Variants in MRC2 observed in about 807,000 individuals in gnomAD.
The protein encoded by MRC2 is mannose receptor C-type 2.
A neutral mutation model predicts 206.2 loss-of-function variants in MRC2; 84 were observed. The observed-to-expected ratio is 0.41, with a 90% confidence interval of 0.34 to 0.49. The LOEUF is 0.49. Ranked by LOEUF, MRC2 falls within the 20% of genes least tolerant of loss-of-function variation. The pLI is 0.31. For synonymous variants in MRC2, 798 were observed against 800.0 expected, an observed-to-expected ratio of 1.00 and a Z score of 0.04; for missense variants, 1,676 against 2,001.5, an observed-to-expected ratio of 0.84 and a Z score of 3.10.
chr17:62,692,959 T>C lies in MRC2; in HGVS notation c.*508T>C, dbSNP rs559337925. ...TTCCTTCTGAGCCGGGCCCTGGGGATTGGGGAGCCCTCTTGTTCCTGATGA... is the reference window on the plus strand; with the variant it reads ...TTCCTTCTGAGCCGGGCCCTGGGGACTGGGGAGCCCTCTTGTTCCTGATGA... On this transcript the variant is annotated 3_prime_UTR_variant, in exon 30 of 30. Transcript: ENST00000303375. The surrounding 1 kb of genome is among the most constrained non-coding windows in gnomAD (Gnocchi z 4.2). 2.3e-4 allele frequency: 36 copies of C among 159,858 alleles called. No individual in the cohort carries two copies. The East Asian group carries it at 5.9e-3, about 26-fold the overall frequency. The allele number at this position is 159,858 out of a possible 1,614,324, so 9.9% of individuals were successfully genotyped here. A position where few individuals can be genotyped will look rare whatever the true frequency, so the allele number is the denominator to read the frequency against.
chr17:62,640,433 G>C (rs114839987), intron 1 of MRC2, among the ~76,000 whole-genome samples: 2,199 of 152,216 alleles, frequency 0.014, 48 homozygotes, highest in African/African-American at 0.05. Flanking sequence ...CTTTCCTGAG[G>C]CTTGCGTTTT....
intron 1 of MRC2, among the ~76,000 whole-genome samples, chr17:62,642,600 C>G (rs1169013811): frequency 6.6e-6 from 1 of 152,142 alleles, no homozygotes; most frequent in African/African-American, 2.4e-5. Flanking sequence ...GTGCCTGACA[C>G]CATGCCCGGC....
At position 62,678,731 on chromosome 17, in the gene MRC2, G is replaced by A. The variant is rs2088924966; in HGVS notation, c.2195+85G>A. 9.0e-6 allele frequency: 14 copies of A among 1,558,766 alleles called. No homozygotes were observed. The South Asian group carries it at 1.7e-4, about 19-fold the overall frequency. ...GGCCGACAGACCCTTGGTTTTGTTG[G>A]GCGAGCAGGGGGATGGCAGAATGTG... On this transcript the variant is annotated intron_variant, in intron 13 of 29. Transcript: ENST00000303375.
intron 1 of MRC2, among the ~76,000 whole-genome samples, chr17:62,663,527 C>T (rs2088705894): frequency 6.6e-6 from 1 of 152,094 alleles, no homozygotes; most frequent in Non-Finnish European, 1.5e-5. Flanking sequence ...TGCTTTCTGT[C>T]TCTATGCATT....
chr17:62,637,807 C>T (rs1019729576), intron 1 of MRC2, among the ~76,000 whole-genome samples: 4 of 152,222 alleles, frequency 2.6e-5, no homozygotes, highest in African/African-American at 4.8e-5. Flanking sequence ...CCCTCAAACA[C>T]CTCCAGAGCA....
intron 1 of MRC2, among the ~76,000 whole-genome samples, chr17:62,638,602 G>T (rs763093054): frequency 8.6e-5 from 13 of 152,040 alleles, no homozygotes; most frequent in Non-Finnish European, 1.6e-4. Flanking sequence ...GCCAGGTGTG[G>T]CGACGTGTGC....
At chr17:62,665,020 T>A (rs2088732764) in intron 2 of MRC2, 71 bp downstream of exon 2, 1 of 1,494,282 alleles carries the variant, frequency 6.7e-7, no homozygotes, top group South Asian at 1.3e-5. Flanking sequence ...GAGGGACAGA[T>A]TCCCAGTGAC....
At chr17:62,658,137 A>G (rs1366398946) in intron 1 of MRC2, among the ~76,000 whole-genome samples, 1 of 152,158 alleles carries the variant, frequency 6.6e-6, no homozygotes, top group Non-Finnish European at 1.5e-5. Context: ...TCCACATTGC[A>G]GTCTTCAGAT....
At chr17:62,643,294 C>T (rs2088429367) in intron 1 of MRC2, among the ~76,000 whole-genome samples, 1 of 143,984 alleles carries the variant, frequency 6.9e-6, no homozygotes, top group South Asian at 2.2e-4. Context: ...CACCACTGCA[C>T]TCCAGCCTGG....
In MRC2 at chr17:62,672,639, G is replaced by A. The variant is rs2088840691; in HGVS notation, c.1461+487G>A. 6.6e-6 allele frequency among the ~76,000 whole-genome samples: 1 copy of A among 152,152 alleles called. No individual in the cohort carries two copies. Among genetic ancestry groups the A allele is most frequent in the African/African-American group, 2.4e-5 (1 of 41,434 alleles). On this transcript the variant is annotated intron_variant, in intron 8 of 29. Transcript: ENST00000303375. This position sits in a 1 kb window ranked among gnomAD's most constrained non-coding sequence, Gnocchi z 4.5. ...AATTTGCCATGGTTTGGGCTTAGATGTGGTGTAAGTGAAGGAATTGATGGA... is the reference window on the plus strand; with the variant it reads ...AATTTGCCATGGTTTGGGCTTAGATATGGTGTAAGTGAAGGAATTGATGGA...
intron 20 of MRC2, 88 bp from the exon 21 acceptor site, chr17:62,688,201 C>A: frequency 1.8e-6 from 2 of 1,133,724 alleles, no homozygotes; most frequent in Non-Finnish European, 2.6e-6. Context: ...CCCCCCAGGA[C>A]CTGCTGCTGA....
At chr17:62,665,017 A>G in intron 2 of MRC2, 68 bp downstream of exon 2, 1 of 1,499,614 alleles carries the variant, frequency 6.7e-7, no homozygotes, top group Non-Finnish European at 8.9e-7. Flanking sequence ...CATGAGGGAC[A>G]GATTCCCAGT....
At chr17:62,636,892 C>T (rs533771336) in intron 1 of MRC2, among the ~76,000 whole-genome samples, 7 of 150,738 alleles carry the variant, frequency 4.6e-5, no homozygotes, top group Non-Finnish European at 7.4e-5. Context: ...CAGGCACAAA[C>T]CACTGCACCT....
At position 62,689,881 on chromosome 17, in the gene MRC2, C is replaced by G; in HGVS notation, c.3574-13C>G. ...TATTCCCTTCCTCCCACCCCATGGC[C>G]CCCCATGCCCAGGGCTCTCGGCGGT... On this transcript the variant is annotated splice_polypyrimidine_tract_variant and intron_variant, in intron 24 of 29. Coordinates refer to ENST00000303375, the MANE Select transcript of MRC2 (RefSeq NM_006039.5). The G allele has an allele frequency of 6.3e-7, 1 of 1,580,558 alleles. No homozygotes were observed. The highest frequency in any genetic ancestry group is 1.1e-5 in the South Asian group (1 of 87,244).
At chr17:62,679,192 G>C (rs2088930588) in intron 13 of MRC2, among the ~76,000 whole-genome samples, 1 of 152,188 alleles carries the variant, frequency 6.6e-6, no homozygotes, top group Admixed American at 6.5e-5. Context: ...TGGGCTTCCT[G>C]ATAGCTTAAT....
intron 20 of MRC2, 104 bp from the exon 21 acceptor site, chr17:62,688,185 C>T: frequency 1.0e-6 from 1 of 962,012 alleles, no homozygotes; most frequent in Non-Finnish European, 1.6e-6. Flanking sequence ...TCCCGGCCCT[C>T]AAAGGCCCCC....
In MRC2 at chr17:62,675,921, GTGCCCTGACTAGC is replaced by G; in HGVS notation, c.1685+17_1685+29del. Reference sequence around the variant, plus strand: ...TCACCAACAGGTACAGCAGGGGCGGGTGCCCTGACTAGCCCTTGCCCATGTCTGGGCCTATTGT... The same window carrying G: ...TCACCAACAGGTACAGCAGGGGCGGGCCTTGCCCATGTCTGGGCCTATTGT... On this transcript the variant is annotated intron_variant, in intron 10 of 29. Transcript: ENST00000303375. The surrounding 1 kb of genome is among the most constrained non-coding windows in gnomAD (Gnocchi z 4.1). 1 of 1,607,936 alleles carries G rather than the reference GTGCCCTGACTAGC, an allele frequency of 6.2e-7. No individual in the cohort carries two copies. Among genetic ancestry groups the G allele is most frequent in the Non-Finnish European group, 8.5e-7 (1 of 1,174,584 alleles).
At position 62,671,671 on chromosome 17, in the gene MRC2, G is replaced by A; in HGVS notation, c.1140G>A (p.Val380=). ...CAGACAGGTGGGCCAATGTGAAGGT[G>A]GAGTGCGAGCCGAGCTGGCAGCCCT... The part of the protein sequence containing the change: ...TPPDRWANVK[V]ECEPSWQPFQ... Residue 380 remains valine (V), a synonymous_variant, in exon 7 of 30, where the codon GTG becomes GTA. Transcript: ENST00000303375. The surrounding 1 kb of genome is among the most constrained non-coding windows in gnomAD (Gnocchi z 4.5). 1 of 1,596,464 alleles carries A rather than the reference G, an allele frequency of 6.3e-7. No homozygotes were observed. Among genetic ancestry groups the A allele is most frequent in the South Asian group, 1.1e-5 (1 of 87,974 alleles).
intron 8 of MRC2, 39 bp from the exon 9 acceptor site, chr17:62,674,024 A>G (rs1382590015): frequency 7.0e-7 from 1 of 1,435,972 alleles, no homozygotes; most frequent in Non-Finnish European, 9.6e-7. Flanking sequence ...ATTTATGGGG[A>G]GGTGGGGGTT....
Sources: allele counts gnomAD v4.1 joint callset (sites outside exome capture counted in the v4.1 genomes callset), GRCh38; gene constraint gnomAD v4.1.1; non-coding constraint Gnocchi (gnomAD v3.1); transcripts MANE v1.5; gene names NCBI Gene and HGNC (gene_info 2026-07-23, HGNC 2026-07-21).